The following BMPR1B variants were observed in gnomAD, a reference collection of about 807,000 sequenced individuals.
BMPR1B encodes the protein bone morphogenetic protein receptor type 1B.
Under a neutral mutation model 59.1 loss-of-function variants are expected in BMPR1B, and 12 were observed. The ratio of observed to expected loss-of-function variants is 0.20; its 90% CI spans 0.13 to 0.33. BMPR1B has a LOEUF of 0.33. Among genes scored for constraint, BMPR1B ranks in the 10% least tolerant of loss-of-function variants. The pLI, the probability that BMPR1B is intolerant of heterozygous loss-of-function variation, is 1.00. For missense variants in BMPR1B, 550 were observed against 610.9 expected, an observed-to-expected ratio of 0.90 and a Z score of 1.05; for synonymous variants, 237 against 207.3, an observed-to-expected ratio of 1.14 and a Z score of -1.23.
chr4:95,125,230 T>C, intron 8 of BMPR1B, 109 bp downstream of exon 8: 2 of 1,400,190 alleles, frequency 1.4e-6, no homozygotes, highest in Non-Finnish European at 2.0e-6. Flanking sequence ...GAGAAAGCTC[T>C]ATGCAGTCTG....
intron 1 of BMPR1B, among the ~76,000 whole-genome samples, chr4:94,809,291 C>T (rs77770962): frequency 0.025 from 3,837 of 152,118 alleles, 79 homozygotes; most frequent in South Asian, 0.078. Context: ...TTGCTTCATC[C>T]CCTTTATACT....
intron 2 of BMPR1B, among the ~76,000 whole-genome samples, chr4:94,964,537 G>A (rs1011212547): frequency 6.6e-6 from 1 of 152,150 alleles, no homozygotes; most frequent in Admixed American, 6.5e-5. Context: ...AATCACTGAT[G>A]AGGACTTGAA....
rs1284838648 is a variant in BMPR1B at position 95,091,729 on chromosome 4, C to G, written c.-17-12679C>G. 4.4e-6 allele frequency: 4 copies of G among 910,718 alleles called. No individual in the cohort carries two copies. In the African/African-American group the frequency reaches 7.2e-5, roughly 16 times the overall value. The allele number at this position is 910,718 out of a possible 1,614,324, so 56.4% of individuals were successfully genotyped here. ...AAAGCCAATTCTGGCACAATAAAAG[C>G]TGTTAGAACTTAGCCTTTTTTGGCA... is the stretch of plus-strand genomic sequence containing the variant. On this transcript the variant is annotated intron_variant, in intron 3 of 12. Transcript: ENST00000515059.
chr4:95,119,826 G>C (rs575610109), intron 6 of BMPR1B, among the ~76,000 whole-genome samples: 2 of 152,212 alleles, frequency 1.3e-5, no homozygotes, highest in South Asian at 4.2e-4. Flanking sequence ...ATGAAGTTTG[G>C]ATAAGAAATT....
chr4:94,759,977 TG>T (rs1419036307), intron 1 of BMPR1B, among the ~76,000 whole-genome samples: 1 of 152,222 alleles, frequency 6.6e-6, no homozygotes, highest in Non-Finnish European at 1.5e-5. Flanking sequence ...CTACAAAACT[TG>T]ATACAGTGTG....
At chr4:94,893,630 T>G (rs1727480979) in intron 2 of BMPR1B, among the ~76,000 whole-genome samples, 1 of 151,990 alleles carries the variant, frequency 6.6e-6, no homozygotes, top group Admixed American at 6.6e-5. Flanking sequence ...AAATGTTCCT[T>G]ATTCAACACT....
intron 1 of BMPR1B, among the ~76,000 whole-genome samples, chr4:94,824,301 A>G (rs1352906045): frequency 1.4e-4 from 22 of 152,150 alleles, no homozygotes. Context: ...TTCTCCATGA[A>G]TTCACCTGTT....
intron 2 of BMPR1B, among the ~76,000 whole-genome samples, chr4:94,881,971 A>G (rs1348291710): frequency 1.3e-5 from 2 of 152,162 alleles, no homozygotes; most frequent in Admixed American, 1.3e-4. Context: ...GGCTAAATTA[A>G]TGAGGCTTTG....
intron 2 of BMPR1B, among the ~76,000 whole-genome samples, chr4:94,895,981 TG>T (rs1307530503): frequency 1.3e-5 from 2 of 152,150 alleles, no homozygotes; most frequent in Admixed American, 6.5e-5. Context: ...ATACACTTTT[TG>T]TGAACTTTCT....
intron 3 of BMPR1B, among the ~76,000 whole-genome samples, chr4:95,010,647 CAG>C (rs1257691892): frequency 3.3e-5 from 5 of 152,148 alleles, no homozygotes; most frequent in Admixed American, 2.0e-4. Flanking sequence ...CTCTTTAAAA[CAG>C]GGTATTGGAA....
At chr4:94,773,576 T>C (rs1722262321) in intron 1 of BMPR1B, among the ~76,000 whole-genome samples, 1 of 152,098 alleles carries the variant, frequency 6.6e-6, no homozygotes, top group African/African-American at 2.4e-5. Context: ...CTTAGAATTA[T>C]TTGCTAAGAA....
chr4:94,788,748 A>G (rs1206987194), intron 1 of BMPR1B, among the ~76,000 whole-genome samples: 1 of 152,184 alleles, frequency 6.6e-6, no homozygotes, highest in African/African-American at 2.4e-5. Context: ...TCTGCCTTTC[A>G]TAAGAGAGTG....
intron 2 of BMPR1B, among the ~76,000 whole-genome samples, chr4:94,919,368 T>C (rs1019329788): frequency 6.6e-6 from 1 of 152,202 alleles, no homozygotes; most frequent in African/African-American, 2.4e-5. Context: ...GAAGTACATT[T>C]AAAATTATAA....
At chr4:94,928,364 T>C (rs757438006) in intron 2 of BMPR1B, among the ~76,000 whole-genome samples, 1 of 151,980 alleles carries the variant, frequency 6.6e-6, no homozygotes, top group African/African-American at 2.4e-5. Flanking sequence ...CGAATGGGTG[T>C]GTGTAGTTCT....
At chr4:95,105,593 C>T (rs1288986478) in intron 4 of BMPR1B, among the ~76,000 whole-genome samples, 1 of 151,644 alleles carries the variant, frequency 6.6e-6, no homozygotes, top group African/African-American at 2.4e-5. Context: ...GCACAAGAAA[C>T]ATGACTGAGT....
At chr4:94,948,655 A>G (rs1405507088) in intron 2 of BMPR1B, among the ~76,000 whole-genome samples, 3 of 152,202 alleles carry the variant, frequency 2.0e-5, no homozygotes, top group Non-Finnish European at 2.9e-5. Flanking sequence ...ATTGAACTGT[A>G]CAACCTTGGG....
chr4:94,979,793 A>C (rs1444107298), intron 2 of BMPR1B, among the ~76,000 whole-genome samples: 1 of 152,232 alleles, frequency 6.6e-6, no homozygotes, highest in Non-Finnish European at 1.5e-5. Context: ...TGGCCACACC[A>C]GCTTGGCTAA....
At chr4:94,966,590 A>G (rs997603249) in intron 2 of BMPR1B, among the ~76,000 whole-genome samples, 4 of 152,240 alleles carry the variant, frequency 2.6e-5, no homozygotes, top group African/African-American at 9.6e-5. Context: ...TGAGAAATCC[A>G]TTATGAAGTG....
chr4:94,811,509 T>G (rs1298362257), intron 1 of BMPR1B, among the ~76,000 whole-genome samples: 1 of 152,206 alleles, frequency 6.6e-6, no homozygotes, highest in Admixed American at 6.5e-5. Context: ...AATTCAGTCT[T>G]CTTAAATCAC....
Sources: allele counts gnomAD v4.1 joint callset (sites outside exome capture counted in the v4.1 genomes callset), GRCh38; gene constraint gnomAD v4.1.1; transcripts MANE v1.5; gene names NCBI Gene and HGNC (gene_info 2026-07-23, HGNC 2026-07-21).